The following ATP2B2 variants were observed in gnomAD, a reference collection of about 807,000 sequenced individuals.
ATP2B2 encodes plasma membrane calcium-transporting ATPase 2.
ATP2B2 carries 15 observed loss-of-function variants against 120.0 expected under a neutral mutation model. That is an observed-to-expected ratio of 0.12 (90% confidence interval 0.08 to 0.19). ATP2B2 has a LOEUF of 0.19. ATP2B2 is among the 10% of genes least tolerant of loss of function. ATP2B2 has a pLI of 1.00. For missense variants in ATP2B2, 1,045 were observed against 1,719.8 expected (o/e 0.61, Z 6.94); for synonymous variants, 694 against 700.3 (o/e 0.99, Z 0.14).
At chr3:10,675,805 G>T (rs1559516044) in intron 1 of ATP2B2, among the ~76,000 whole-genome samples, 1 of 152,140 alleles carries the variant, frequency 6.6e-6, no homozygotes, top group Non-Finnish European at 1.5e-5. Flanking sequence ...CAGCCTCAGG[G>T]TCTTTGCACA....
upstream of ATP2B2, among the ~76,000 whole-genome samples, chr3:10,506,452 G>A (rs1339743019): frequency 6.6e-6 from 1 of 152,202 alleles, no homozygotes; most frequent in African/African-American, 2.4e-5. Flanking sequence ...CAGGGACCCC[G>A]GGTGAGGAGT....
At chr3:10,607,580 C>T (rs1040468986) in intron 2 of ATP2B2, among the ~76,000 whole-genome samples, 3 of 152,192 alleles carry the variant, frequency 2.0e-5, no homozygotes, top group Admixed American at 6.5e-5. Flanking sequence ...AGGGTAGGCT[C>T]TGCACAACCA....
In ATP2B2 at chr3:10,693,282, G is replaced by C. The variant is rs541063117; in HGVS notation, c.-460+14633C>G. On this transcript the variant is annotated intron_variant, in intron 1 of 21. Transcript: ENST00000646379. The stretch of plus-strand genomic sequence containing the variant: ...CAACGCACATTTCATAACTCTTATA[G>C]TGGAGAATCCAATATGCCATGGCTA... Among the ~76,000 whole-genome samples the C allele has an allele frequency of 2.0e-5, 3 of 152,320 alleles. No homozygotes were observed. The East Asian group carries it at 5.8e-4, about 29-fold the overall frequency.
At chr3:10,659,562 G>A (rs2125677576) in intron 1 of ATP2B2, among the ~76,000 whole-genome samples, 1 of 152,246 alleles carries the variant, frequency 6.6e-6, no homozygotes, top group Admixed American at 6.5e-5. Flanking sequence ...AAATATATAT[G>A]CACCCAATAC....
At chr3:10,434,984 C>T (rs1011094897) in intron 2 of ATP2B2, among the ~76,000 whole-genome samples, 1 of 152,264 alleles carries the variant, frequency 6.6e-6, no homozygotes, top group Non-Finnish European at 1.5e-5. Context: ...AGCCAGCATC[C>T]TGTGCCCTCT....
intron 2 of ATP2B2, among the ~76,000 whole-genome samples, chr3:10,576,102 T>C (rs1030076378): frequency 2.6e-5 from 4 of 152,226 alleles, no homozygotes; most frequent in African/African-American, 4.8e-5. Context: ...CTACAGCTAG[T>C]TGCTGGCAGA....
chr3:10,392,056 C>T (rs1334339813), intron 5 of ATP2B2, among the ~76,000 whole-genome samples: 1 of 152,042 alleles, frequency 6.6e-6, no homozygotes, highest in Non-Finnish European at 1.5e-5. Flanking sequence ...TAGGGGACTT[C>T]ATCTGTCTCC....
intron 14 of ATP2B2, among the ~76,000 whole-genome samples, chr3:10,355,791 C>CTTTGTGCGTGTGTGT: frequency 7.6e-5 from 7 of 92,614 alleles, no homozygotes; most frequent in South Asian, 9.4e-4. Context: ...TTGTCCTTTC[C>CTTTGTGCGTGTGTGT]GGCCGGGCGC....
rs1480381520 is a variant in ATP2B2, at chr3:10,417,072, G to GT, written c.200-6258_200-6257insA. 9.4e-5 allele frequency among the ~76,000 whole-genome samples: 13 copies of GT among 139,028 alleles called. 2 individuals carry two copies. The highest frequency in any genetic ancestry group is 3.5e-4 in the African/African-American group (11 of 31,192). The allele number at this position is 139,028 out of a possible 152,430, so 91.2% of individuals were successfully genotyped here. A position where few individuals can be genotyped will look rare whatever the true frequency, so the allele number is the denominator to read the frequency against. Reference sequence around the variant, plus strand: ...CTCCTCACTTCCCAGACGGCGGCGGGGGGGGGCGGGCAGAGGGGCTCCTCA... The same window carrying GT: ...CTCCTCACTTCCCAGACGGCGGCGGGTGGGGGGCGGGCAGAGGGGCTCCTCA... On this transcript the variant is annotated intron_variant, in intron 2 of 22. Coordinates refer to ENST00000360273, the MANE Select transcript of ATP2B2 (RefSeq NM_001001331.4).
chr3:10,341,523 C>A (rs554420377), intron 19 of ATP2B2, among the ~76,000 whole-genome samples: 1 of 152,188 alleles, frequency 6.6e-6, no homozygotes, highest in Non-Finnish European at 1.5e-5. Context: ...GTTGGCCATG[C>A]TGGTCTCGAA....
At chr3:10,602,742 A>G (rs1252510477) in intron 2 of ATP2B2, among the ~76,000 whole-genome samples, 1 of 152,136 alleles carries the variant, frequency 6.6e-6, no homozygotes, top group Non-Finnish European at 1.5e-5. Context: ...TTGTTTACAG[A>G]TAAAAACAAA....
chr3:10,706,419 C>T (rs2071897197), intron 1 of ATP2B2, among the ~76,000 whole-genome samples: 1 of 152,192 alleles, frequency 6.6e-6, no homozygotes, highest in African/African-American at 2.4e-5. Context: ...GTATTGGTTT[C>T]TCCCATGGCA....
Position 10,588,992 on chromosome 3 carries a change from G to A in ATP2B2, c.-415+30925C>T, listed in dbSNP as rs550348437. 2.7e-4 allele frequency among the ~76,000 whole-genome samples: 41 copies of A among 152,274 alleles called. No homozygotes were observed. The South Asian group carries it at 6.2e-3, about 23-fold the overall frequency. On this transcript the variant is annotated intron_variant, in intron 2 of 21. Transcript: ENST00000646379. ...GCTGGTATCAAGGTTCCCAGATCCC[G>A]ACATCTTTTAAGGGCATAAACTGGG...
At chr3:10,517,287 C>T (rs527855764) in intron 3 of ATP2B2, among the ~76,000 whole-genome samples, 15 of 152,174 alleles carry the variant, frequency 9.9e-5, no homozygotes, top group East Asian at 1.9e-4. Flanking sequence ...AGATGCATCT[C>T]GCCTCGGCCA....
chr3:10,400,871 C>G lies in ATP2B2; in HGVS notation c.781+82G>C, dbSNP rs2062196233. 3 of 1,599,070 alleles carry G rather than the reference C, an allele frequency of 1.9e-6. No homozygotes were observed. In the South Asian group the frequency reaches 3.3e-5, roughly 18 times the overall value. The stretch of plus-strand genomic sequence containing the variant: ...GAGCCAAGGATCAAAGTCTCTGAGT[C>G]CCTTCAGCCTCATGAAGGGGACACA... On this transcript the variant is annotated intron_variant, in intron 5 of 22. Transcript: ENST00000360273.
At chr3:10,534,397 T>C (rs573530354) in intron 2 of ATP2B2, among the ~76,000 whole-genome samples, 1 of 152,218 alleles carries the variant, frequency 6.6e-6, no homozygotes, top group Non-Finnish European at 1.5e-5. Context: ...ACTGGGAAGG[T>C]TGAGTGGCAG....
intron 12 of ATP2B2, among the ~76,000 whole-genome samples, chr3:10,366,262 C>A (rs1487787306): frequency 1.3e-5 from 2 of 152,294 alleles, no homozygotes; most frequent in East Asian, 3.9e-4. Flanking sequence ...TTCTCCTCGG[C>A]CCTCCCTACT....
chr3:10,330,350 G>A (rs969181672), intron 22 of ATP2B2: 4 of 153,552 alleles, frequency 2.6e-5, no homozygotes, highest in African/African-American at 9.6e-5. Context: ...CTAGCTCTCT[G>A]GTTGTCCTCT....
chr3:10,669,530 C>G (rs2071038010), intron 1 of ATP2B2, among the ~76,000 whole-genome samples: 1 of 152,164 alleles, frequency 6.6e-6, no homozygotes, highest in Non-Finnish European at 1.5e-5. Flanking sequence ...TCAGAATCAC[C>G]TGGGGAGTTA....
Sources: gnomAD v4.1 joint callset for allele counts (sites outside exome capture counted in the v4.1 genomes callset) on GRCh38, gnomAD v4.1.1 for gene constraint, MANE v1.5 for transcripts, NCBI Gene and HGNC (gene_info 2026-07-23, HGNC 2026-07-21) for gene names.